The following SNX29 variants were observed in gnomAD, a reference collection of about 807,000 sequenced individuals.
The protein encoded by SNX29 is sorting nexin 29.
SNX29 carries 78 observed loss-of-function variants against 102.1 expected under a neutral mutation model. The observed-to-expected ratio is 0.76, with a 90% CI of 0.64 to 0.92. The LOEUF (loss-of-function observed/expected upper bound fraction) is 0.92. Among genes scored for constraint, SNX29 ranks in the 40% least tolerant of loss-of-function variants. SNX29 has a pLI of 0.00. For missense variants in SNX29, 1,280 were observed against 1,061.7 expected (o/e 1.21, Z -2.86); for synonymous variants, 580 against 414.5 (o/e 1.40, Z -4.85).
At chr16:12,372,680 G>A (rs1248043504) in intron 16 of SNX29, 1 of 152,166 alleles carries the variant, frequency 6.6e-6, no homozygotes, top group African/African-American at 2.4e-5. Context: ...ACCTGCTGGG[G>A]TATGTCATGG....
At chr16:12,018,254 C>T (rs2056908416) in intron 3 of SNX29, among the ~76,000 whole-genome samples, 2 of 152,162 alleles carry the variant, frequency 1.3e-5, no homozygotes, top group Non-Finnish European at 2.9e-5. Flanking sequence ...TGTTTTTCTT[C>T]ATATAGGGCT....
chr16:12,433,765 A>G (rs550467065), intron 18 of SNX29, among the ~76,000 whole-genome samples: 1 of 152,286 alleles, frequency 6.6e-6, no homozygotes, highest in African/African-American at 2.4e-5. Context: ...CGGAGGTTGC[A>G]GTGAGCTGAG....
At chr16:12,543,537 C>G (rs1250832554) in intron 20 of SNX29, among the ~76,000 whole-genome samples, 1 of 152,144 alleles carries the variant, frequency 6.6e-6, no homozygotes, top group Non-Finnish European at 1.5e-5. Flanking sequence ...CACCTTTGGC[C>G]CAGACTTCCA....
At chr16:12,472,600 G>A (rs55917311) in intron 18 of SNX29, among the ~76,000 whole-genome samples, 24,341 of 151,008 alleles carry the variant, frequency 0.16, 2,648 homozygotes, top group African/African-American at 0.32. Flanking sequence ...TTAGCATTGC[G>A]GGAGAGCACT....
intron 16 of SNX29, among the ~76,000 whole-genome samples, chr16:12,365,102 A>C (rs2082422407): frequency 6.6e-6 from 1 of 152,120 alleles, no homozygotes; most frequent in Admixed American, 6.5e-5. Flanking sequence ...CCTGAATGTA[A>C]ACCCAGGACT....
chr16:12,269,529 G>T (rs1417506279), intron 14 of SNX29, among the ~76,000 whole-genome samples: 1 of 152,140 alleles, frequency 6.6e-6, no homozygotes, highest in African/African-American at 2.4e-5. Flanking sequence ...GTAAGTTTCT[G>T]ATTGAACATG....
chr16:12,394,888 G>A (rs1204937722), intron 16 of SNX29, among the ~76,000 whole-genome samples: 7 of 152,164 alleles, frequency 4.6e-5, no homozygotes, highest in Non-Finnish European at 7.3e-5. Flanking sequence ...GAGCTTTGTG[G>A]AGTGGGCAGC....
intron 18 of SNX29, among the ~76,000 whole-genome samples, chr16:12,470,712 C>T (rs1420873099): frequency 6.6e-6 from 1 of 152,218 alleles, no homozygotes; most frequent in Non-Finnish European, 1.5e-5. Flanking sequence ...GCCTGCCTAG[C>T]ATTTGACAAT....
At chr16:12,505,428 A>C (rs982317372) in intron 19 of SNX29, among the ~76,000 whole-genome samples, 3 of 152,196 alleles carry the variant, frequency 2.0e-5, no homozygotes, top group Non-Finnish European at 4.4e-5. Flanking sequence ...ATTGACTATA[A>C]ATGTGAGAGT....
chr16:12,212,233 A>T (rs1283727927), intron 14 of SNX29, among the ~76,000 whole-genome samples: 1 of 152,080 alleles, frequency 6.6e-6, no homozygotes, highest in Non-Finnish European at 1.5e-5. Flanking sequence ...CCCCCCGGAG[A>T]CTGAAAACTG....
chr16:12,115,944 C>G (rs1000915676), intron 11 of SNX29, among the ~76,000 whole-genome samples: 75 of 152,316 alleles, frequency 4.9e-4, no homozygotes, highest in African/African-American at 1.7e-3. Flanking sequence ...CCTCGTCCCA[C>G]TCTCCCTAAC....
At chr16:12,314,442 G>A (rs1428553393) in intron 15 of SNX29, among the ~76,000 whole-genome samples, 2 of 152,236 alleles carry the variant, frequency 1.3e-5, no homozygotes, top group African/African-American at 4.8e-5. Context: ...TCTTGGCTCC[G>A]TGACTTCCTA....
intron 12 of SNX29, among the ~76,000 whole-genome samples, 170 bp downstream of exon 12, chr16:12,126,866 C>T (rs2054234061): frequency 2.0e-5 from 3 of 152,164 alleles, no homozygotes; most frequent in African/African-American, 7.2e-5. Flanking sequence ...ACTGTGGTAT[C>T]TCTCTTTTGC....
intron 13 of SNX29, among the ~76,000 whole-genome samples, chr16:12,138,553 A>T (rs2054748243): frequency 6.6e-6 from 1 of 152,090 alleles, no homozygotes; most frequent in African/African-American, 2.4e-5. Context: ...TGTTTGGTAA[A>T]AGAAACATGC....
chr16:11,996,152 C>T (rs952446794), intron 1 of SNX29, among the ~76,000 whole-genome samples: 2 of 152,064 alleles, frequency 1.3e-5, no homozygotes, highest in African/African-American at 4.8e-5. Context: ...ACCTATTATC[C>T]CAGCTGTTTG....
chr16:12,552,728 T>C (rs2078060171), intron 20 of SNX29, among the ~76,000 whole-genome samples: 1 of 152,164 alleles, frequency 6.6e-6, no homozygotes, highest in Non-Finnish European at 1.5e-5. Flanking sequence ...AGAAGAGACA[T>C]GGTATCTCCA....
chr16:12,517,705 A>C (rs2078392173), intron 19 of SNX29, among the ~76,000 whole-genome samples: 1 of 152,138 alleles, frequency 6.6e-6, no homozygotes, highest in East Asian at 1.9e-4. Context: ...ACCATCTAGC[A>C]AGGGAGGTGG....
In SNX29 at chr16:12,568,767, C is replaced by T. The variant is rs767754899; in HGVS notation, c.*138C>T. On this transcript the variant is annotated 3_prime_UTR_variant, in exon 21 of 21. Coordinates refer to ENST00000566228, the MANE Select transcript of SNX29 (RefSeq NM_032167.5). ...GAGAGCACACGATTCCCAACAGTTA[C>T]ACAACACCCCGATTAAACTAATCAG... The T allele has an allele frequency of 1.2e-5, 15 of 1,298,986 alleles. No individual in the cohort carries two copies. The highest frequency in any genetic ancestry group is 6.0e-5 in the South Asian group (4 of 67,164). 80.5% of individuals were successfully genotyped at this position (1,298,986 alleles called of 1,614,324 possible). A position where few individuals can be genotyped will look rare whatever the true frequency, so the allele number is the denominator to read the frequency against.
rs574886272 is a variant in SNX29, at chr16:12,268,937, AC to A, written c.1679-8991del. 2.0e-4 allele frequency among the ~76,000 whole-genome samples: 30 copies of A among 152,270 alleles called. 1 individual carries two copies. In the South Asian group the frequency reaches 5.6e-3, roughly 28 times the overall value. On this transcript the variant is annotated intron_variant, in intron 14 of 20. Transcript: ENST00000566228. Reference sequence around the variant, plus strand: ...CTATTTTAGACGACTTAACACAGATACCCCCAAACAGATGTGGCCGGCTGCG... The same window carrying A: ...CTATTTTAGACGACTTAACACAGATACCCCAAACAGATGTGGCCGGCTGCG...
Sources: gnomAD v4.1 joint callset for allele counts (sites outside exome capture counted in the v4.1 genomes callset) on GRCh38, gnomAD v4.1.1 for gene constraint, MANE v1.5 for transcripts, NCBI Gene and HGNC (gene_info 2026-07-23, HGNC 2026-07-21) for gene names.